TRAK2: variants seen among roughly 807,000 people sequenced by gnomAD.
TRAK2 encodes the protein trafficking kinesin protein 2, also known as trafficking kinesin-binding protein 2.
A neutral mutation model predicts 104.6 loss-of-function variants in TRAK2; 81 were observed. That is an observed-to-expected ratio of 0.77 (90% CI 0.65 to 0.93). The LOEUF is 0.93. TRAK2 is among the 40% of genes least tolerant of loss of function. TRAK2 has a pLI of 0.00. For synonymous variants in TRAK2, 406 were observed against 394.4 expected (o/e 1.03, Z -0.35); for missense variants, 1,002 against 1,089.0 (o/e 0.92, Z 1.12).
At chr2:201,421,592 G>C (rs1299290146) in intron 1 of TRAK2, among the ~76,000 whole-genome samples, 1 of 151,934 alleles carries the variant, frequency 6.6e-6, no homozygotes, top group Non-Finnish European at 1.5e-5. Context: ...TTCATCCCTG[G>C]TTGAGAACCA....
rs748926453 is a variant in TRAK2 at position 201,389,553 on chromosome 2, T to C, written c.1194-50A>G. On this transcript the variant is annotated intron_variant, in intron 11 of 15. Transcript: ENST00000332624. The stretch of plus-strand genomic sequence containing the variant: ...ATTATCACTGCTAGCCACTAAAGCA[T>C]CTAGAGAAGAGAATGTATGTGCAGT... 22 of 1,518,768 alleles carry C rather than the reference T, an allele frequency of 1.4e-5. No individual in the cohort carries two copies. The African/African-American group carries it at 3.3e-4, about 23-fold the overall frequency. The allele number at this position is 1,518,768 out of a possible 1,614,324, so 94.1% of individuals were successfully genotyped here.
At chr2:201,406,622 T>G (rs1951597028) in intron 3 of TRAK2, among the ~76,000 whole-genome samples, 1 of 152,358 alleles carries the variant, frequency 6.6e-6, no homozygotes, top group Non-Finnish European at 1.5e-5. Context: ...TGCAATCACC[T>G]ACTTAATTCT....
chr2:201,385,699 C>A (rs532611773), intron 14 of TRAK2, among the ~76,000 whole-genome samples: 1 of 152,248 alleles, frequency 6.6e-6, no homozygotes, highest in Non-Finnish European at 1.5e-5. Flanking sequence ...CAACATATTG[C>A]AATAGACTGA....
At position 201,386,358 on chromosome 2, in the gene TRAK2, G is replaced by T; in HGVS notation, c.1823C>A (p.Ser608Ter). 3 of 1,614,136 alleles carry T rather than the reference G, an allele frequency of 1.9e-6. No individual in the cohort carries two copies. Among genetic ancestry groups the T allele is most frequent in the Non-Finnish European group, 2.5e-6 (3 of 1,180,012 alleles). ...QLPGDAIYHISDLEEDEEEGI... is the reference protein window; with the variant it reads ...QLPGDAIYHI ...CTCCTCTTCATCCTCTTCTAAATCT[G>T]AGATGTGATAAATAGCATCCCCGGG... The change falls in exon 14 of 16, where the codon TCA becomes TAA. Residue 608 changes from serine (S) to a stop codon, truncating the protein, a stop_gained. Coordinates refer to ENST00000332624, the MANE Select transcript of TRAK2 (RefSeq NM_015049.3). LOFTEE classifies it high-confidence loss of function.
chr2:201,389,844 T>C lies in TRAK2; in HGVS notation c.1150A>G (p.Lys384Glu). Residue 384 changes from lysine to glutamate, a missense_variant, in exon 11 of 16, where the codon AAA (lysine) becomes GAA (glutamate). Lys to Glu is a moderately conservative substitution (Grantham distance 56, BLOSUM62 1). Coordinates refer to ENST00000332624, the MANE Select transcript of TRAK2 (RefSeq NM_015049.3). ...GATTCCTCATCCAAACTCAGCTTTT[T>C]ACGCATAGTCCCCTCAATCTCAGCT... is the stretch of plus-strand genomic sequence containing the variant. ...LAAEIEGTMRKKLSLDEESSL... is the reference protein window; with the variant it reads ...LAAEIEGTMREKLSLDEESSL... 1.2e-6 allele frequency: 2 copies of C among 1,613,894 alleles called. No homozygotes were observed. The highest frequency in any genetic ancestry group is 1.7e-6 in the Non-Finnish European group (2 of 1,179,942).
intron 2 of TRAK2, chr2:201,411,888 T>G (rs776543737): frequency 1.9e-6 from 2 of 1,026,494 alleles, no homozygotes; most frequent in Non-Finnish European, 3.1e-6. Flanking sequence ...GGGTAGTCTA[T>G]AAGATTTGCA....
In TRAK2 at chr2:201,399,503, T is replaced by C; in HGVS notation, c.364-10A>G. 3 of 1,598,202 alleles carry C rather than the reference T, an allele frequency of 1.9e-6. No homozygotes were observed. Among genetic ancestry groups the C allele is most frequent in the Non-Finnish European group, 2.6e-6 (3 of 1,166,180 alleles). On this transcript the variant is annotated splice_polypyrimidine_tract_variant and intron_variant, in intron 4 of 15. Coordinates refer to ENST00000332624, the MANE Select transcript of TRAK2 (RefSeq NM_015049.3). ...CCAGATCACGATCCCTCTGTTAAAATACCAAATACACCTTTTCTTTGAGTA... is the reference window on the plus strand; with the variant it reads ...CCAGATCACGATCCCTCTGTTAAAACACCAAATACACCTTTTCTTTGAGTA...
intron 1 of TRAK2, among the ~76,000 whole-genome samples, chr2:201,435,531 T>C (rs1951874924): frequency 6.6e-6 from 1 of 152,238 alleles, no homozygotes; most frequent in Non-Finnish European, 1.5e-5. Flanking sequence ...GGCTTTCTTA[T>C]AACTTTTCAA....
rs75331518 is a variant in TRAK2 at position 201,426,728 on chromosome 2, A to G, written c.-199-6022T>C. On this transcript the variant is annotated intron_variant, in intron 1 of 15. Transcript: ENST00000332624. Reference sequence around the variant, plus strand: ...CATGCCAGAAAAATGCTGACTTCCAAGGCAATTCAGGAACCTGTTCAGCCT... The same window carrying G: ...CATGCCAGAAAAATGCTGACTTCCAGGGCAATTCAGGAACCTGTTCAGCCT... 3.8e-3 allele frequency among the ~76,000 whole-genome samples: 578 copies of G among 152,346 alleles called. 5 individuals are homozygous for G. The highest frequency in any genetic ancestry group is 0.013 in the African/African-American group (537 of 41,566).
intron 1 of TRAK2, among the ~76,000 whole-genome samples, chr2:201,448,219 G>A (rs1373246199): frequency 6.6e-6 from 1 of 152,226 alleles, no homozygotes; most frequent in Non-Finnish European, 1.5e-5. Flanking sequence ...AAAGCACCCA[G>A]CTGTGGGGCT....
intron 3 of TRAK2, among the ~76,000 whole-genome samples, chr2:201,404,312 T>G (rs1180700220): frequency 6.6e-6 from 1 of 152,184 alleles, no homozygotes; most frequent in Non-Finnish European, 1.5e-5. Flanking sequence ...ATACAGAAAT[T>G]AGCAATGATC....
At chr2:201,396,465 C>T (rs1951503950) in intron 7 of TRAK2, among the ~76,000 whole-genome samples, 1 of 152,098 alleles carries the variant, frequency 6.6e-6, no homozygotes, top group Admixed American at 6.5e-5. Flanking sequence ...GAATACATTC[C>T]ACGACCTGCA....
At chr2:201,439,862 C>T (rs1951906092) in intron 1 of TRAK2, among the ~76,000 whole-genome samples, 1 of 140,294 alleles carries the variant, frequency 7.1e-6, no homozygotes, top group South Asian at 2.3e-4. Context: ...CATGTTCTCA[C>T]TCATAGATGG....
intron 10 of TRAK2, among the ~76,000 whole-genome samples, chr2:201,392,297 T>C (rs1951455391): frequency 6.6e-6 from 1 of 152,174 alleles, no homozygotes; most frequent in South Asian, 2.1e-4. Flanking sequence ...TGCCTCCCTA[T>C]TTTTAAGAAA....
At chr2:201,410,725 G>T in intron 2 of TRAK2, 1 of 1,480,470 alleles carries the variant, frequency 6.8e-7, no homozygotes, top group Non-Finnish European at 9.4e-7. Flanking sequence ...AACTTGAGGA[G>T]GTACAAACTG....
In TRAK2 at chr2:201,377,699, C is replaced by T. The variant is rs1025248437; in HGVS notation, c.*2844G>A. ...CAGCACAACATTTTCTAAAAAAGCA[C>T]TTTAACAATGGTCATTAACTTCTCC... On this transcript the variant is annotated 3_prime_UTR_variant, in exon 16 of 16. Coordinates refer to ENST00000332624, the MANE Select transcript of TRAK2 (RefSeq NM_015049.3). 3.9e-5 allele frequency: 6 copies of T among 152,550 alleles called. No homozygotes were observed. Among genetic ancestry groups the T allele is most frequent in the African/African-American group, 1.4e-4 (6 of 41,424 alleles). The allele number at this position is 152,550 out of a possible 1,614,324, so 9.4% of individuals were successfully genotyped here. A position where few individuals can be genotyped will look rare whatever the true frequency, so the allele number is the denominator to read the frequency against.
Position 201,386,314 on chromosome 2 carries a change from G to C in TRAK2, c.1867C>G (p.Gln623Glu). 6.2e-7 allele frequency: 1 copy of C among 1,614,158 alleles called. No homozygotes were observed. The highest frequency in any genetic ancestry group is 8.5e-7 in the Non-Finnish European group (1 of 1,180,022). Residue 623 changes from glutamine (Q) to glutamate (E), a missense_variant, in exon 14 of 16, where the codon CAG becomes GAG. Coordinates refer to ENST00000332624, the MANE Select transcript of TRAK2 (RefSeq NM_015049.3). ...TTCTCTTCCACTTCAAGAGGTTGCT[G>C]AACCTGAAAAGTAATACCCTCCTCT... ...DEEEGITFQV[Q>E]QPLEVEEKLS...
intron 1 of TRAK2, among the ~76,000 whole-genome samples, chr2:201,437,911 A>G (rs959531878): frequency 6.6e-6 from 1 of 152,200 alleles, no homozygotes; most frequent in African/African-American, 2.4e-5. Flanking sequence ...ATAAGGGAAA[A>G]ATATACTAAC....
chr2:201,424,581 G>A (rs1006515657), intron 1 of TRAK2, among the ~76,000 whole-genome samples: 2 of 150,654 alleles, frequency 1.3e-5, no homozygotes, highest in African/African-American at 2.4e-5. Context: ...CTTGCCACCT[G>A]TTTTTTTTGT....
Sources: allele counts gnomAD v4.1 joint callset (sites outside exome capture counted in the v4.1 genomes callset), GRCh38; gene constraint gnomAD v4.1.1; transcripts MANE v1.5; gene names NCBI Gene and HGNC (gene_info 2026-07-23, HGNC 2026-07-21).